ARHGAP15: variants seen among roughly 807,000 people sequenced by gnomAD.
The protein encoded by ARHGAP15 is rho GTPase-activating protein 15.
In ARHGAP15, 51 loss-of-function variants were observed where a neutral mutation model predicts 63.7. That is an observed-to-expected ratio of 0.80 (90% CI 0.64 to 1.01). The LOEUF (loss-of-function observed/expected upper bound fraction) is 1.01. Among genes scored for constraint, ARHGAP15 ranks in the 50% least tolerant of loss-of-function variants. The probability of loss-of-function intolerance (pLI) is 0.00; values close to 1 mark genes in which losing one functional copy is unlikely to be tolerated. For missense variants in ARHGAP15, 560 were observed against 564.6 expected (o/e 0.99, Z 0.08); for synonymous variants, 191 against 193.8 (o/e 0.99, Z 0.12).
chr2:143,424,879 A>G (rs1689077957), intron 6 of ARHGAP15, among the ~76,000 whole-genome samples: 1 of 152,124 alleles, frequency 6.6e-6, no homozygotes, highest in South Asian at 2.1e-4. Flanking sequence ...AATTGGACCA[A>G]TGACAGGTAT....
intron 6 of ARHGAP15, among the ~76,000 whole-genome samples, chr2:143,286,617 C>T (rs540889799): frequency 6.6e-6 from 1 of 152,074 alleles, no homozygotes; most frequent in Non-Finnish European, 1.5e-5. Context: ...GAAAAATTGC[C>T]ATGGTTCTAA....
Position 143,703,451 on chromosome 2 carries a change from G to A in ARHGAP15, c.1171G>A (p.Val391Ile). The change falls in exon 13 of 14, where the codon GTA (valine) becomes ATA (isoleucine). Residue 391 changes from valine (V) to isoleucine (I), a missense_variant. By Grantham distance (29) the Val-to-Ile change is conservative. Coordinates refer to ENST00000295095, the MANE Select transcript of ARHGAP15 (RefSeq NM_018460.4). The part of the protein sequence containing the change: ...KQDNNTRIEA[V>I]KSLVQKLPPP... Reference sequence around the variant, plus strand: ...AGACAACAACACAAGAATTGAAGCTGTAAAATCTCTTGTACAAAAACTCCC... The same window carrying A: ...AGACAACAACACAAGAATTGAAGCTATAAAATCTCTTGTACAAAAACTCCC... 1.2e-6 allele frequency: 2 copies of A among 1,610,402 alleles called. No individual in the cohort carries two copies. The highest frequency in any genetic ancestry group is 1.3e-5 in the African/African-American group (1 of 74,742).
intron 6 of ARHGAP15, among the ~76,000 whole-genome samples, chr2:143,427,031 G>A (rs1160156170): frequency 2.0e-5 from 3 of 149,684 alleles, no homozygotes; most frequent in Non-Finnish European, 4.5e-5. Context: ...GTTTCAAAAA[G>A]TGAGGTAAAG....
chr2:143,279,740 A>G (rs1681748541), intron 6 of ARHGAP15, among the ~76,000 whole-genome samples: 1 of 152,128 alleles, frequency 6.6e-6, no homozygotes, highest in Non-Finnish European at 1.5e-5. Flanking sequence ...ACATTGCTTT[A>G]TTGGACATTG....
intron 6 of ARHGAP15, among the ~76,000 whole-genome samples, chr2:143,346,182 TCA>T (rs1182995553): frequency 3.1e-5 from 4 of 127,836 alleles, no homozygotes; most frequent in Admixed American, 2.3e-4. Flanking sequence ...ACTCTCTCTC[TCA>T]CACACACACT....
Position 143,435,611 on chromosome 2 carries a change from T to C in ARHGAP15, c.485T>C (p.Val162Ala). Reference protein sequence around the residue: ...SRKNVFQITTVSGNEFLLQSD... With the variant: ...SRKNVFQITTASGNEFLLQSD... ...TTTTTTTTTTTGCAGATCACAACAG[T>C]ATCAGGAAATGAGTTCCTTCTACAG... is the stretch of plus-strand genomic sequence containing the variant. The change falls in exon 7 of 14, where the codon GTA becomes GCA. Residue 162 changes from valine (V) to alanine (A), a missense_variant. Transcript: ENST00000295095. The C allele has an allele frequency of 6.4e-7, 1 of 1,560,378 alleles. No homozygotes were observed. The highest frequency in any genetic ancestry group is 1.2e-5 in the South Asian group (1 of 85,384).
At chr2:143,464,540 T>C (rs910282860) in intron 8 of ARHGAP15, among the ~76,000 whole-genome samples, 16 of 152,168 alleles carry the variant, frequency 1.1e-4, no homozygotes, top group Non-Finnish European at 2.1e-4. Flanking sequence ...TTTGGAAAAC[T>C]ATGCTTAGTC....
Position 143,482,702 on chromosome 2 carries a change from C to T in ARHGAP15, c.704-4671C>T, listed in dbSNP as rs564717514. 3.3e-5 allele frequency among the ~76,000 whole-genome samples: 5 copies of T among 152,316 alleles called. No homozygotes were observed. The South Asian group carries it at 6.2e-4, about 19-fold the overall frequency. Reference sequence around the variant, plus strand: ...CTGTTAAAATCAGATTTGTAAACCACGATATTCAAAGACTTTTACGGCTGT... The same window carrying T: ...CTGTTAAAATCAGATTTGTAAACCATGATATTCAAAGACTTTTACGGCTGT... On this transcript the variant is annotated intron_variant, in intron 8 of 13. Coordinates refer to ENST00000295095, the MANE Select transcript of ARHGAP15 (RefSeq NM_018460.4).
intron 6 of ARHGAP15, among the ~76,000 whole-genome samples, chr2:143,388,393 G>T (rs371878436): frequency 2.0e-5 from 3 of 152,114 alleles, no homozygotes; most frequent in East Asian, 3.9e-4. Context: ...TCTGTACTTG[G>T]TTTACTTTGT....
chr2:143,244,440 A>T (rs541262669), intron 5 of ARHGAP15, among the ~76,000 whole-genome samples: 1 of 152,360 alleles, frequency 6.6e-6, no homozygotes, highest in African/African-American at 2.4e-5. Context: ...CTTGAAAATG[A>T]GCAAGATTAC....
At chr2:143,757,712 C>T (rs1686629471) in intron 13 of ARHGAP15, among the ~76,000 whole-genome samples, 1 of 151,824 alleles carries the variant, frequency 6.6e-6, no homozygotes, top group African/African-American at 2.4e-5. Flanking sequence ...ATTCAGAGTA[C>T]CATCAAATTT....
At chr2:143,573,912 C>T (rs570535299) in intron 11 of ARHGAP15, among the ~76,000 whole-genome samples, 1 of 152,192 alleles carries the variant, frequency 6.6e-6, no homozygotes, top group African/African-American at 2.4e-5. Flanking sequence ...GGTTGCCTCT[C>T]TTATATTTTA....
chr2:143,739,537 A>T (rs551598236), intron 13 of ARHGAP15, among the ~76,000 whole-genome samples: 2 of 152,218 alleles, frequency 1.3e-5, no homozygotes, highest in African/African-American at 4.8e-5. Context: ...TAAAATTAAA[A>T]TTTGCTCAAA....
chr2:143,714,221 A>G (rs1294113955), intron 13 of ARHGAP15, among the ~76,000 whole-genome samples: 1 of 152,172 alleles, frequency 6.6e-6, no homozygotes, highest in Non-Finnish European at 1.5e-5. Context: ...CAGGCTCAAC[A>G]CCACATAGCT....
In ARHGAP15 at chr2:143,548,951, A is replaced by G. The variant is rs374191140; in HGVS notation, c.926-7457A>G. Among the ~76,000 whole-genome samples the G allele has an allele frequency of 4.6e-5, 7 of 152,278 alleles. No individual in the cohort carries two copies. The East Asian group carries it at 1.4e-3, about 29-fold the overall frequency. ...CAGGTAATAAAAGGAGAATTGAAAA[A>G]TGCATAAATGATAGTAGGAATTTCT... On this transcript the variant is annotated intron_variant, in intron 10 of 13. Transcript: ENST00000295095.
chr2:143,193,059 C>T (rs1691739380), intron 2 of ARHGAP15, among the ~76,000 whole-genome samples: 1 of 152,130 alleles, frequency 6.6e-6, no homozygotes. Flanking sequence ...AGGTTGGATA[C>T]ATTTGGACAT....
intron 9 of ARHGAP15, among the ~76,000 whole-genome samples, chr2:143,488,167 CTT>C (rs1221308025): frequency 6.6e-6 from 1 of 152,222 alleles, no homozygotes; most frequent in Admixed American, 6.5e-5. Flanking sequence ...AAGTTATGAT[CTT>C]CTCTGTGCCT....
In ARHGAP15 at chr2:143,429,139, T is replaced by G. The variant is rs1043740118; in HGVS notation, c.475-6462T>G. Reference sequence around the variant, plus strand: ...CTAAACTATCTACTAATTACTTGGATAGTATTCTTTCATGAATATTGAGAA... The same window carrying G: ...CTAAACTATCTACTAATTACTTGGAGAGTATTCTTTCATGAATATTGAGAA... On this transcript the variant is annotated intron_variant, in intron 6 of 13. Coordinates refer to ENST00000295095, the MANE Select transcript of ARHGAP15 (RefSeq NM_018460.4). 2.0e-5 allele frequency among the ~76,000 whole-genome samples: 3 copies of G among 152,110 alleles called. No homozygotes were observed. In the East Asian group the frequency reaches 5.8e-4, roughly 29 times the overall value.
chr2:143,570,866 C>T (rs762403300), intron 11 of ARHGAP15, among the ~76,000 whole-genome samples: 3 of 152,052 alleles, frequency 2.0e-5, no homozygotes, highest in Non-Finnish European at 4.4e-5. Flanking sequence ...ACCAACAGAA[C>T]CAAGAGAATG....
Sources: gnomAD v4.1 joint callset for allele counts (sites outside exome capture counted in the v4.1 genomes callset) on GRCh38, gnomAD v4.1.1 for gene constraint, MANE v1.5 for transcripts, NCBI Gene and HGNC (gene_info 2026-07-23, HGNC 2026-07-21) for gene names.